FKBP5: variants seen among roughly 807,000 people sequenced by gnomAD.
The protein encoded by FKBP5 is FKBP prolyl isomerase 5.
A neutral mutation model predicts 50.5 loss-of-function variants in FKBP5; 23 were observed. The ratio of observed to expected loss-of-function variants is 0.46; its 90% CI spans 0.33 to 0.65. FKBP5 has a LOEUF of 0.65. FKBP5 is among the 30% of genes least tolerant of loss of function. FKBP5 has a pLI of 0.02. For missense variants in FKBP5, 411 were observed against 553.1 expected, an observed-to-expected ratio of 0.74 and a Z score of 2.58; for synonymous variants, 176 against 190.6, an observed-to-expected ratio of 0.92 and a Z score of 0.63.
intron 1 of FKBP5, among the ~76,000 whole-genome samples, chr6:35,725,524 C>T (rs1039313118): frequency 4.6e-5 from 7 of 152,166 alleles, no homozygotes; most frequent in Non-Finnish European, 8.8e-5. Flanking sequence ...CTGGGGGCTT[C>T]ACCCTTCTGG....
Position 35,721,789 on chromosome 6 carries a change from C to T in FKBP5, c.-240-1241G>A, listed in dbSNP as rs559534634. 2.2e-4 allele frequency among the ~76,000 whole-genome samples: 33 copies of T among 152,372 alleles called. No individual in the cohort carries two copies. The East Asian group carries it at 6.4e-3, about 29-fold the overall frequency. ...GCTTTACAGCCAAAATGCGTACTCC[C>T]AGTTGTGATTTTGACCAAGAAACTA... is the stretch of plus-strand genomic sequence containing the variant. On this transcript the variant is annotated intron_variant, in intron 1 of 11. Coordinates refer to the FKBP5 transcript ENST00000536438.
intron 2 of FKBP5, among the ~76,000 whole-genome samples, chr6:35,710,775 A>C (rs941338174): frequency 6.6e-6 from 1 of 152,242 alleles, no homozygotes; most frequent in Non-Finnish European, 1.5e-5. Flanking sequence ...TAAACAAACT[A>C]TGGTATAACC....
chr6:35,598,999 T>TAAATAAATAAATAAATAAATAAATA (rs1554131621), intron 5 of FKBP5, among the ~76,000 whole-genome samples: 27 of 151,226 alleles, frequency 1.8e-4, no homozygotes, highest in African/African-American at 6.4e-4. Flanking sequence ...AATAAATAAA[T>TAAATAAATAAATAAATAAATAAATA]AAAAATAAAA....
intron 2 of FKBP5, among the ~76,000 whole-genome samples, chr6:35,712,600 T>C (rs575983409): frequency 7.2e-5 from 11 of 152,272 alleles, no homozygotes; most frequent in African/African-American, 2.4e-4. Context: ...GAGCCAGATT[T>C]GTCTACCATC....
chr6:35,676,536 T>C (rs1765526980), intron 1 of FKBP5, among the ~76,000 whole-genome samples: 1 of 152,268 alleles, frequency 6.6e-6, no homozygotes, highest in Admixed American at 6.5e-5. Flanking sequence ...CTCATTCCAG[T>C]GTCTAGTCCT....
At chr6:35,584,719 G>C in intron 8 of FKBP5, 1 of 985,446 alleles carries the variant, frequency 1.0e-6, no homozygotes, top group Non-Finnish European at 1.2e-6. Context: ...AAAGTCTCAG[G>C]TCAGTGGTTT....
At chr6:35,641,743 G>A (rs1485642492) in intron 2 of FKBP5, among the ~76,000 whole-genome samples, 1 of 152,142 alleles carries the variant, frequency 6.6e-6, no homozygotes, top group Non-Finnish European at 1.5e-5. Flanking sequence ...GGTGGCTCAT[G>A]CCTGTAATCC....
At chr6:35,627,256 CTTG>C (rs1764028077) in intron 3 of FKBP5, among the ~76,000 whole-genome samples, 1 of 152,076 alleles carries the variant, frequency 6.6e-6, no homozygotes, top group Non-Finnish European at 1.5e-5. Flanking sequence ...TTTTCATATG[CTTG>C]TTGTCCATTT....
At chr6:35,663,234 C>T (rs918262861) in intron 1 of FKBP5, among the ~76,000 whole-genome samples, 2 of 152,120 alleles carry the variant, frequency 1.3e-5, no homozygotes, top group Non-Finnish European at 2.9e-5. Context: ...CAGAAAGACG[C>T]GAAGACACAA....
chr6:35,578,272 A>G (rs1218789495), intron 9 of FKBP5, among the ~76,000 whole-genome samples: 1 of 152,008 alleles, frequency 6.6e-6, no homozygotes, highest in Non-Finnish European at 1.5e-5. Context: ...TGCAGCCTCT[A>G]TCTCCTGGGC....
intron 1 of FKBP5, among the ~76,000 whole-genome samples, chr6:35,662,249 A>G (rs933778039): frequency 2.0e-5 from 3 of 149,482 alleles, no homozygotes; most frequent in Non-Finnish European, 4.4e-5. Flanking sequence ...TGACCTTGTC[A>G]AAAACCATGA....
At chr6:35,714,264 C>A (rs1448593848) in intron 2 of FKBP5, among the ~76,000 whole-genome samples, 1 of 143,076 alleles carries the variant, frequency 7.0e-6, no homozygotes, top group Admixed American at 7.1e-5. Context: ...CCAGCCTGGC[C>A]AACATGGTGA....
chr6:35,575,820 C>T lies in FKBP5; in HGVS notation c.*15G>A. Reference sequence around the variant, plus strand: ...GGGCCGAGTTCACTGGGACTCTTCCCTCCTTGGCGTGGCGTCATACGTGGC... The same window carrying T: ...GGGCCGAGTTCACTGGGACTCTTCCTTCCTTGGCGTGGCGTCATACGTGGC... On this transcript the variant is annotated 3_prime_UTR_variant, in exon 11 of 11. Coordinates refer to ENST00000357266, the MANE Select transcript of FKBP5 (RefSeq NM_004117.4). 6.4e-7 allele frequency: 1 copy of T among 1,569,264 alleles called. No individual in the cohort carries two copies. The highest frequency in any genetic ancestry group is 1.3e-5 in the African/African-American group (1 of 74,154).
intron 1 of FKBP5, among the ~76,000 whole-genome samples, chr6:35,675,279 G>A (rs1765496135): frequency 1.3e-5 from 2 of 152,226 alleles, no homozygotes; most frequent in African/African-American, 4.8e-5. Flanking sequence ...TGGGTGTGGT[G>A]GCTCACGCCT....
At chr6:35,583,251 T>C in intron 8 of FKBP5, 1 of 985,398 alleles carries the variant, frequency 1.0e-6, no homozygotes, top group Non-Finnish European at 1.2e-6. Flanking sequence ...CTCTAATGCA[T>C]TGATTAACTT....
At chr6:35,597,545 TTGGTGAAG>T in intron 5 of FKBP5, 141 bp from the exon 6 acceptor site, 25 of 987,198 alleles carry the variant, frequency 2.5e-5, no homozygotes, top group Non-Finnish European at 3.6e-5. Flanking sequence ...ACAGTGTGTC[TTGGTGAAG>T]CTTAGTCTAC....
chr6:35,596,115 G>T (rs993332726), intron 6 of FKBP5, among the ~76,000 whole-genome samples: 1 of 152,148 alleles, frequency 6.6e-6, no homozygotes, highest in Non-Finnish European at 1.5e-5. Flanking sequence ...AGCACTTTGG[G>T]AGGCTGAGGC....
chr6:35,589,112 A>T lies in FKBP5; in HGVS notation c.757-1995T>A, dbSNP rs187378066. Among the ~76,000 whole-genome samples, 636 of 121,186 alleles carry T rather than the reference A, an allele frequency of 5.2e-3. 16 individuals carry two copies. The East Asian group carries it at 0.053, about 10-fold the overall frequency. 79.5% of individuals were successfully genotyped at this position (121,186 alleles called of 152,430 possible). A position where few individuals can be genotyped will look rare whatever the true frequency, so the allele number is the denominator to read the frequency against. ...TATTTTTATATATATATATATTTTT[A>T]TATATATATATATATATTTTTTTTT... On this transcript the variant is annotated intron_variant, in intron 7 of 10. Coordinates refer to ENST00000357266, the MANE Select transcript of FKBP5 (RefSeq NM_004117.4).
chr6:35,598,356 G>A (rs113805226), intron 5 of FKBP5, among the ~76,000 whole-genome samples: 10,878 of 151,968 alleles, frequency 0.072, 758 homozygotes, highest in African/African-American at 0.19. Flanking sequence ...CGAAGTAGCT[G>A]GGATTACAGG....
Sources: gnomAD v4.1 joint callset for allele counts (sites outside exome capture counted in the v4.1 genomes callset) on GRCh38, gnomAD v4.1.1 for gene constraint, MANE v1.5 for transcripts, NCBI Gene and HGNC (gene_info 2026-07-23, HGNC 2026-07-21) for gene names.